The following RFX2 variants were observed in gnomAD, a reference collection of about 807,000 sequenced individuals.
RFX2 encodes the protein DNA-binding protein RFX2.
RFX2 carries 20 observed loss-of-function variants against 87.8 expected under a neutral mutation model. That is an observed-to-expected ratio of 0.23 (90% CI 0.16 to 0.33). The LOEUF is 0.33. RFX2 is among the 10% of genes least tolerant of loss of function. The probability of loss-of-function intolerance (pLI) is 1.00; values close to 1 mark genes in which losing one functional copy is unlikely to be tolerated. For missense variants in RFX2, 767 were observed against 1,012.3 expected, an observed-to-expected ratio of 0.76 and a Z score of 3.29; for synonymous variants, 397 against 431.3, an observed-to-expected ratio of 0.92 and a Z score of 0.98.
chr19:6,061,442 G>C lies in RFX2; in HGVS notation c.-8-13938C>G, dbSNP rs1433262296. Among the ~76,000 whole-genome samples the C allele has an allele frequency of 6.6e-6, 1 of 152,204 alleles. No individual in the cohort carries two copies. The highest frequency in any genetic ancestry group is 6.5e-5 in the Admixed American group (1 of 15,282). On this transcript the variant is annotated intron_variant, in intron 1 of 17. Coordinates refer to ENST00000303657, the MANE Select transcript of RFX2 (RefSeq NM_000635.4). This position sits in a 1 kb window ranked among gnomAD's most constrained non-coding sequence, Gnocchi z 5.2. ...TGCTGTCTGTAGGATCCCTTCTTTA[G>C]AGGGTTGGAGCCTACCCTTCACACT...
Position 6,007,562 on chromosome 19 carries a change from G to T in RFX2, c.1247+128C>A, listed in dbSNP as rs2086599559. The stretch of plus-strand genomic sequence containing the variant: ...CTCTACCAAGTCTAAAAATTACAGG[G>T]ATGGAGGCAGAGGGGTCTGAACCCT... On this transcript the variant is annotated intron_variant, in intron 11 of 17. Transcript: ENST00000303657. The surrounding 1 kb of genome is among the most constrained non-coding windows in gnomAD (Gnocchi z 8.2). The T allele has an allele frequency of 1.6e-6, 1 of 633,120 alleles. No individual in the cohort carries two copies. The highest frequency in any genetic ancestry group is 2.7e-5 in the East Asian group (1 of 36,562). 39.2% of individuals were successfully genotyped at this position (633,120 alleles called of 1,614,324 possible).
chr19:6,015,702 T>C (rs1368548883), intron 7 of RFX2, among the ~76,000 whole-genome samples: 1 of 152,154 alleles, frequency 6.6e-6, no homozygotes, highest in Non-Finnish European at 1.5e-5. Flanking sequence ...GGTCTTGCTA[T>C]GTTGCCCAGG....
chr19:6,047,531 TG>T lies in RFX2; in HGVS notation c.-8-28del, dbSNP rs1048228334. 2 of 1,561,782 alleles carry T rather than the reference TG, an allele frequency of 1.3e-6. No homozygotes were observed. The highest frequency in any genetic ancestry group is 1.7e-6 in the Non-Finnish European group (2 of 1,145,012). On this transcript the variant is annotated intron_variant, in intron 1 of 17. Transcript: ENST00000303657. This position sits in a 1 kb window ranked among gnomAD's most constrained non-coding sequence, Gnocchi z 4.2. ...TAAAGAAAGGCGGAGAGAGATTGGGTGGGCAAGGGCTGCAAGCACTGAAATC... is the reference window on the plus strand; with the variant it reads ...TAAAGAAAGGCGGAGAGAGATTGGGTGGCAAGGGCTGCAAGCACTGAAATC...
rs750132162 is a variant in RFX2 at position 5,997,186 on chromosome 19, C to G, written c.1887G>C (p.Leu629=). The G allele has an allele frequency of 6.2e-7, 1 of 1,612,686 alleles. No homozygotes were observed. Among genetic ancestry groups the G allele is most frequent in the Non-Finnish European group, 8.5e-7 (1 of 1,179,928 alleles). ...YSSMVIRDLT[L]RSAASFGSFH... is the part of the protein sequence containing the mutation. ...AGGAGCCGAAGCTGGCAGCGCTGCG[C>G]AGGGTCAGGTCCCGGATCACCATGG... The change falls in exon 16 of 18, where the codon CTG becomes CTC. Residue 629 remains leucine, a synonymous_variant. Coordinates refer to ENST00000303657, the MANE Select transcript of RFX2 (RefSeq NM_000635.4). This position sits in a 1 kb window ranked among gnomAD's most constrained non-coding sequence, Gnocchi z 4.2.
intron 1 of RFX2, among the ~76,000 whole-genome samples, chr19:6,059,462 C>A (rs1329695547): frequency 6.6e-6 from 1 of 152,166 alleles, no homozygotes; most frequent in Non-Finnish European, 1.5e-5. Flanking sequence ...CAACCTGATT[C>A]CACTGCTTCT....
intron 1 of RFX2, among the ~76,000 whole-genome samples, chr19:6,090,815 G>A (rs1203036535): frequency 6.6e-6 from 1 of 152,138 alleles, no homozygotes. Flanking sequence ...CCATGGAGTG[G>A]AATACTATTC....
chr19:6,076,563 A>G (rs2087695471), intron 1 of RFX2, among the ~76,000 whole-genome samples: 1 of 152,116 alleles, frequency 6.6e-6, no homozygotes, highest in Non-Finnish European at 1.5e-5. Flanking sequence ...AACGGAGAAA[A>G]TACTTCTATC....
chr19:6,016,273 T>C lies in RFX2; in HGVS notation c.598-2A>G. ...ATAATTATCCAACAGCCACTGGAGC[T>C]GTAAAAAGAAAGACACGTCTGCGTT... is the stretch of plus-strand genomic sequence containing the variant. On this transcript the variant is annotated splice_acceptor_variant, in intron 6 of 17. Transcript: ENST00000303657. LOFTEE classifies it high-confidence loss of function. The surrounding 1 kb of genome is among the most constrained non-coding windows in gnomAD (Gnocchi z 5.4). The C allele has an allele frequency of 6.3e-7, 1 of 1,592,764 alleles. No individual in the cohort carries two copies. The highest frequency in any genetic ancestry group is 8.6e-7 in the Non-Finnish European group (1 of 1,166,830).
In RFX2 at chr19:6,042,070, T is replaced by C. The variant is rs1599876611; in HGVS notation, c.234A>G (p.Gly78=). ...TGGCTCCATTGGTGTAGACGGCGTC[T>C]CCCCCTTCCACGTACTGCACCTGGG... The part of the protein sequence containing the change: ...YPAQVQYVEG[G]DAVYTNGAIR... The change falls in exon 4 of 18, where the codon GGA becomes GGG. Residue 78 remains glycine, a synonymous_variant. Transcript: ENST00000303657. The C allele has an allele frequency of 6.2e-7, 1 of 1,613,680 alleles. No homozygotes were observed. The highest frequency in any genetic ancestry group is 2.2e-5 in the East Asian group (1 of 44,876).
chr19:6,071,811 T>A lies in RFX2; in HGVS notation c.-8-24307A>T, dbSNP rs1193560924. Among the ~76,000 whole-genome samples the A allele has an allele frequency of 2.0e-5, 3 of 152,226 alleles. No individual in the cohort carries two copies. In the East Asian group the frequency reaches 5.8e-4, roughly 29 times the overall value. On this transcript the variant is annotated intron_variant, in intron 1 of 17. Coordinates refer to ENST00000303657, the MANE Select transcript of RFX2 (RefSeq NM_000635.4). ...ATCAATTCTGTTTTAGAAAGGCAAT[T>A]TAATACAAAAGCTTGAGGGGAAATG...
chr19:6,085,844 C>A (rs1209429161), intron 1 of RFX2, among the ~76,000 whole-genome samples: 1 of 152,096 alleles, frequency 6.6e-6, no homozygotes, highest in African/African-American at 2.4e-5. Context: ...GTAATCCCAG[C>A]ACTTTGGGAG....
At position 6,063,821 on chromosome 19, in the gene RFX2, C is replaced by A. The variant is rs920724427; in HGVS notation, c.-8-16317G>T. Among the ~76,000 whole-genome samples the A allele has an allele frequency of 6.6e-6, 1 of 152,198 alleles. No homozygotes were observed. The highest frequency in any genetic ancestry group is 2.4e-5 in the African/African-American group (1 of 41,456). On this transcript the variant is annotated intron_variant, in intron 1 of 17. Coordinates refer to ENST00000303657, the MANE Select transcript of RFX2 (RefSeq NM_000635.4). This position sits in a 1 kb window ranked among gnomAD's most constrained non-coding sequence, Gnocchi z 4.0. ...CCTCCACCCACTCCATGCCAGGAAA[C>A]CCCCCGACCCCTGTCTGACAGCCAC... is the stretch of plus-strand genomic sequence containing the variant.
intron 1 of RFX2, among the ~76,000 whole-genome samples, chr19:6,059,660 T>TCA (rs371052966): frequency 1.3e-5 from 2 of 151,814 alleles, no homozygotes; most frequent in Admixed American, 6.6e-5. Flanking sequence ...CATGAGAGTG[T>TCA]CACACACACA....
At chr19:6,031,622 G>A (rs1198326990) in intron 5 of RFX2, among the ~76,000 whole-genome samples, 5 of 151,870 alleles carry the variant, frequency 3.3e-5, no homozygotes, top group South Asian at 4.2e-4. Flanking sequence ...TCGAGGTGGG[G>A]TTTCACCATG....
At position 6,026,397 on chromosome 19, in the gene RFX2, G is replaced by T. The variant is rs2086889157; in HGVS notation, c.523-160C>A. ...GAGGCTCCACGCAGGCAGGGCGGGG[G>T]TGAGTTAAATTGTGCATGAAAGCTG... On this transcript the variant is annotated intron_variant, in intron 5 of 17. Transcript: ENST00000303657. The surrounding 1 kb of genome is among the most constrained non-coding windows in gnomAD (Gnocchi z 4.5). 9.1e-6 allele frequency: 6 copies of T among 657,070 alleles called. No individual in the cohort carries two copies. The highest frequency in any genetic ancestry group is 4.0e-4 in the Middle Eastern group (1 of 2,516). 40.7% of individuals were successfully genotyped at this position (657,070 alleles called of 1,614,324 possible). A position where few individuals can be genotyped will look rare whatever the true frequency, so the allele number is the denominator to read the frequency against.
chr19:6,022,796 C>T lies in RFX2; in HGVS notation c.597+3367G>A, dbSNP rs1046116853. 1.3e-5 allele frequency among the ~76,000 whole-genome samples: 2 copies of T among 152,218 alleles called. No individual in the cohort carries two copies. Among genetic ancestry groups the T allele is most frequent in the African/African-American group, 4.8e-5 (2 of 41,464 alleles). On this transcript the variant is annotated intron_variant, in intron 6 of 17. Coordinates refer to ENST00000303657, the MANE Select transcript of RFX2 (RefSeq NM_000635.4). This position sits in a 1 kb window ranked among gnomAD's most constrained non-coding sequence, Gnocchi z 6.2. ...TTCTTCCAATGTGCAGACCTCCAGG[C>T]CCTGCAGACCCCCTGGGTCCAAGCC...
chr19:6,088,817 T>G (rs550905), intron 1 of RFX2, among the ~76,000 whole-genome samples: 1 of 151,946 alleles, frequency 6.6e-6, no homozygotes, highest in Admixed American at 6.6e-5. Context: ...TGTGGAATAG[T>G]AAATATTTTA....
chr19:6,043,946 C>G (rs915505624), intron 3 of RFX2, among the ~76,000 whole-genome samples: 1 of 152,146 alleles, frequency 6.6e-6, no homozygotes, highest in African/African-American at 2.4e-5. Flanking sequence ...TCACTGGTTC[C>G]CCAAATGCTT....
chr19:6,101,146 G>T lies in RFX2; in HGVS notation c.-9+9247C>A, dbSNP rs1371327586. Among the ~76,000 whole-genome samples the T allele has an allele frequency of 6.6e-6, 1 of 152,172 alleles. No homozygotes were observed. Among genetic ancestry groups the T allele is most frequent in the Non-Finnish European group, 1.5e-5 (1 of 68,026 alleles). ...TTAACTAATTATAAGCTCCTCAGAT[G>T]TTTGATATTTCAGGCCCACAAATAT... On this transcript the variant is annotated intron_variant, in intron 1 of 17. Coordinates refer to ENST00000303657, the MANE Select transcript of RFX2 (RefSeq NM_000635.4). This position sits in a 1 kb window ranked among gnomAD's most constrained non-coding sequence, Gnocchi z 4.9.
Sources: allele counts gnomAD v4.1 joint callset (sites outside exome capture counted in the v4.1 genomes callset), GRCh38; gene constraint gnomAD v4.1.1; non-coding constraint Gnocchi (gnomAD v3.1); transcripts MANE v1.5; gene names NCBI Gene and HGNC (gene_info 2026-07-23, HGNC 2026-07-21).